HIPK2: variants seen among roughly 807,000 people sequenced by gnomAD.
HIPK2 encodes homeodomain-interacting protein kinase 2.
Under a neutral mutation model 113.7 loss-of-function variants are expected in HIPK2, and 27 were observed. The ratio of observed to expected loss-of-function variants is 0.24; its 90% CI spans 0.17 to 0.33. The LOEUF is 0.33. HIPK2 is among the 10% of genes least tolerant of loss of function. The pLI is 1.00. For missense variants in HIPK2, 1,257 were observed against 1,588.0 expected, an observed-to-expected ratio of 0.79 and a Z score of 3.54; for synonymous variants, 631 against 642.2, an observed-to-expected ratio of 0.98 and a Z score of 0.26.
intron 12 of HIPK2, among the ~76,000 whole-genome samples, chr7:139,584,409 C>G (rs1262573065): frequency 1.3e-5 from 2 of 152,202 alleles, no homozygotes; most frequent in Non-Finnish European, 2.9e-5. Context: ...TGGGTACAAC[C>G]CCCGTGGGCC....
intron 12 of HIPK2, among the ~76,000 whole-genome samples, chr7:139,587,878 A>G (rs970356813): frequency 6.6e-6 from 1 of 152,112 alleles, no homozygotes; most frequent in Non-Finnish European, 1.5e-5. Context: ...CTACACTCTA[A>G]AGAAAATAAA....
At position 139,601,949 on chromosome 7, in the gene HIPK2, CT is replaced by C. The variant is rs1053542551; in HGVS notation, c.2256-1354del. The stretch of plus-strand genomic sequence containing the variant: ...ACTTTAGAAACTCATATTATGGCTT[CT>C]TTTTTTTTTTTTTTTTTTTTGAGAT... On this transcript the variant is annotated intron_variant, in intron 10 of 14. Coordinates refer to ENST00000406875, the MANE Select transcript of HIPK2 (RefSeq NM_022740.5). 4.5e-3 allele frequency among the ~76,000 whole-genome samples: 520 copies of C among 116,330 alleles called. 1 individual carries two copies. Among genetic ancestry groups the C allele is most frequent in the African/African-American group, 0.011 (343 of 30,544 alleles). 76.3% of individuals were successfully genotyped at this position (116,330 alleles called of 152,430 possible).
intron 13 of HIPK2, among the ~76,000 whole-genome samples, chr7:139,576,241 A>G (rs1798486480): frequency 1.3e-5 from 2 of 152,254 alleles, no homozygotes; most frequent in Admixed American, 1.3e-4. Flanking sequence ...AACTGCCTCC[A>G]TGTTATTGCC....
At chr7:139,708,731 C>G (rs1794980813) in intron 2 of HIPK2, among the ~76,000 whole-genome samples, 1 of 152,204 alleles carries the variant, frequency 6.6e-6, no homozygotes, top group Non-Finnish European at 1.5e-5. Context: ...CATGTCCAAG[C>G]ATGCTTGCTG....
intron 2 of HIPK2, among the ~76,000 whole-genome samples, chr7:139,704,589 AC>A (rs1794835073): frequency 6.7e-6 from 1 of 149,794 alleles, no homozygotes; most frequent in Non-Finnish European, 1.5e-5. Flanking sequence ...CAAACCATAC[AC>A]ATGCCTACCA....
chr7:139,766,191 T>C (rs1255845649), intron 1 of HIPK2, among the ~76,000 whole-genome samples: 5 of 152,226 alleles, frequency 3.3e-5, no homozygotes, highest in Admixed American at 1.3e-4. Flanking sequence ...TGTGTAACAC[T>C]GTGGAAGTGG....
rs1798062294 is a variant in HIPK2, at chr7:139,565,455, A to G, written c.*7472T>C. 6.6e-6 allele frequency: 1 copy of G among 152,220 alleles called. No homozygotes were observed. The highest frequency in any genetic ancestry group is 1.5e-5 in the Non-Finnish European group (1 of 68,044). 9.4% of individuals were successfully genotyped at this position (152,220 alleles called of 1,614,324 possible). On this transcript the variant is annotated 3_prime_UTR_variant, in exon 15 of 15. Transcript: ENST00000406875. ...GAACAAATATTTCATAATAAATGATAATAGTTATTTTAAAAAATTAAAAAT... is the reference window on the plus strand; with the variant it reads ...GAACAAATATTTCATAATAAATGATGATAGTTATTTTAAAAAATTAAAAAT...
chr7:139,592,000 T>C (rs1248012720), intron 12 of HIPK2, among the ~76,000 whole-genome samples: 1 of 152,258 alleles, frequency 6.6e-6, no homozygotes. Flanking sequence ...TTGCTCCCTC[T>C]GTTAAGTGGA....
At chr7:139,693,067 A>G (rs1794455854) in intron 2 of HIPK2, among the ~76,000 whole-genome samples, 1 of 114,496 alleles carries the variant, frequency 8.7e-6, no homozygotes, top group African/African-American at 2.8e-5. Context: ...CAAGAGGAAC[A>G]GAGACCAACC....
intron 7 of HIPK2, among the ~76,000 whole-genome samples, chr7:139,617,063 G>A (rs534981187): frequency 2.6e-5 from 4 of 152,290 alleles, no homozygotes; most frequent in Admixed American, 1.3e-4. Flanking sequence ...TTCGAACCCT[G>A]CTTAAGGACC....
chr7:139,709,278 T>C (rs1284585236), intron 2 of HIPK2, among the ~76,000 whole-genome samples: 1 of 152,226 alleles, frequency 6.6e-6, no homozygotes, highest in Admixed American at 6.5e-5. Flanking sequence ...TTTCTATTAG[T>C]AAAAGACAAA....
chr7:139,563,106 C>T lies in HIPK2; in HGVS notation c.*9821G>A, dbSNP rs867482551. On this transcript the variant is annotated 3_prime_UTR_variant, in exon 15 of 15. Transcript: ENST00000406875. ...ACCGACTGACTCAGGGCAGCGCTGA[C>T]GGGAACATCTGCTTGGGGTGGGGCG... 2 of 122,648 alleles carry T rather than the reference C, an allele frequency of 1.6e-5. No homozygotes were observed. The highest frequency in any genetic ancestry group is 2.8e-4 in the East Asian group (1 of 3,624). 7.6% of individuals were successfully genotyped at this position (122,648 alleles called of 1,614,324 possible). A position where few individuals can be genotyped will look rare whatever the true frequency, so the allele number is the denominator to read the frequency against.
chr7:139,746,412 G>A (rs1269456837), intron 1 of HIPK2, among the ~76,000 whole-genome samples: 3 of 152,118 alleles, frequency 2.0e-5, no homozygotes, highest in African/African-American at 4.8e-5. Flanking sequence ...ACCCTGCATC[G>A]CTTGATGTCT....
At chr7:139,575,419 T>G (rs1465382570) in intron 13 of HIPK2, 131 bp from the exon 14 acceptor site, 3 of 1,078,346 alleles carry the variant, frequency 2.8e-6, no homozygotes, top group Non-Finnish European at 4.0e-6. Flanking sequence ...CAAATCAGCC[T>G]CATCTCCCCC....
intron 2 of HIPK2, among the ~76,000 whole-genome samples, chr7:139,706,361 G>T (rs915777660): frequency 5.9e-5 from 9 of 152,208 alleles, no homozygotes; most frequent in African/African-American, 1.9e-4. Flanking sequence ...GACTTAGGCA[G>T]CAGTGAAAGT....
chr7:139,676,351 C>T (rs1802494678), intron 2 of HIPK2, among the ~76,000 whole-genome samples: 1 of 152,110 alleles, frequency 6.6e-6, no homozygotes, highest in Non-Finnish European at 1.5e-5. Context: ...GGTGTCTGAG[C>T]CTACACAATA....
chr7:139,698,570 G>A (rs1350940831), intron 2 of HIPK2, among the ~76,000 whole-genome samples: 5 of 152,276 alleles, frequency 3.3e-5, no homozygotes, highest in East Asian at 1.9e-4. Context: ...TTTTACATTC[G>A]TACCAGCGAT....
chr7:139,630,818 G>A lies in HIPK2; in HGVS notation c.1347+347C>T, dbSNP rs952192482. On this transcript the variant is annotated intron_variant, in intron 4 of 14. Transcript: ENST00000406875. This position sits in a 1 kb window ranked among gnomAD's most constrained non-coding sequence, Gnocchi z 4.0. Reference sequence around the variant, plus strand: ...GACCAGGAACAGGGCCCTTACTACAGTGGGCGGGAGCTTGTGGCACATGGT... The same window carrying A: ...GACCAGGAACAGGGCCCTTACTACAATGGGCGGGAGCTTGTGGCACATGGT... Among the ~76,000 whole-genome samples the A allele has an allele frequency of 6.6e-6, 1 of 152,246 alleles. No individual in the cohort carries two copies. The highest frequency in any genetic ancestry group is 2.4e-5 in the African/African-American group (1 of 41,464).
At chr7:139,728,890 CAT>C (rs1795674752) in intron 1 of HIPK2, among the ~76,000 whole-genome samples, 1 of 152,124 alleles carries the variant, frequency 6.6e-6, no homozygotes, top group South Asian at 2.1e-4. Context: ...AGTCTAATAT[CAT>C]AGCTGGAAAC....
Sources: allele counts gnomAD v4.1 joint callset (sites outside exome capture counted in the v4.1 genomes callset), GRCh38; gene constraint gnomAD v4.1.1; non-coding constraint Gnocchi (gnomAD v3.1); transcripts MANE v1.5; gene names NCBI Gene and HGNC (gene_info 2026-07-23, HGNC 2026-07-21).